Variants in LRRTM3 observed in about 807,000 individuals in gnomAD.
LRRTM3 encodes leucine rich repeat transmembrane neuronal 3.
LRRTM3 carries 24 observed loss-of-function variants against 44.7 expected under a neutral mutation model. That is an observed-to-expected ratio of 0.54 (90% CI 0.39 to 0.76). The LOEUF is 0.76. LRRTM3 is among the 30% of genes least tolerant of loss of function. The pLI is 0.00. For synonymous variants in LRRTM3, 277 were observed against 278.7 expected (o/e 0.99, Z 0.06); for missense variants, 587 against 702.2 (o/e 0.84, Z 1.85).
At chr10:66,931,487 A>G (rs1847388924) in intron 2 of LRRTM3, among the ~76,000 whole-genome samples, 1 of 152,132 alleles carries the variant, frequency 6.6e-6, no homozygotes, top group Non-Finnish European at 1.5e-5. Context: ...TTTTTACTTG[A>G]TTTGGTGAGT....
intron 2 of LRRTM3, among the ~76,000 whole-genome samples, chr10:66,955,983 G>T (rs1439434393): frequency 1.3e-5 from 2 of 152,054 alleles, no homozygotes; most frequent in African/African-American, 4.8e-5. Flanking sequence ...GCCAGAAAGG[G>T]GTGCTCAAAT....
chr10:67,093,452 G>T (rs1376492962), intron 2 of LRRTM3, among the ~76,000 whole-genome samples: 1 of 151,662 alleles, frequency 6.6e-6, no homozygotes, highest in Non-Finnish European at 1.5e-5. Context: ...AATAGAGAGA[G>T]GTTACTGTGA....
chr10:67,009,856 G>C (rs984556912), intron 2 of LRRTM3, among the ~76,000 whole-genome samples: 16 of 152,210 alleles, frequency 1.1e-4, no homozygotes, highest in Admixed American at 1.0e-3. Flanking sequence ...TTGCATCAGA[G>C]ACTTTCTATG....
At chr10:67,008,933 A>G (rs1852167383) in intron 2 of LRRTM3, among the ~76,000 whole-genome samples, 1 of 152,014 alleles carries the variant, frequency 6.6e-6, no homozygotes, top group African/African-American at 2.4e-5. Context: ...TGTGCATTTG[A>G]ATTTATATTT....
At chr10:66,994,290 G>T (rs550664280) in intron 2 of LRRTM3, among the ~76,000 whole-genome samples, 2 of 152,292 alleles carry the variant, frequency 1.3e-5, no homozygotes, top group Non-Finnish European at 2.9e-5. Context: ...GACATTTAAC[G>T]TAGTTAAAAA....
At chr10:67,076,661 T>C (rs1377916627) in intron 2 of LRRTM3, among the ~76,000 whole-genome samples, 1 of 152,122 alleles carries the variant, frequency 6.6e-6, no homozygotes, top group African/African-American at 2.4e-5. Flanking sequence ...GGCATGAAAA[T>C]AATATTGGAT....
At chr10:67,025,055 A>G (rs1028084301) in intron 2 of LRRTM3, among the ~76,000 whole-genome samples, 1 of 149,986 alleles carries the variant, frequency 6.7e-6, no homozygotes, top group Non-Finnish European at 1.5e-5. Context: ...ACTTGAACCC[A>G]GGAGCGGAGG....
chr10:67,043,242 C>T (rs1444419348), intron 2 of LRRTM3, among the ~76,000 whole-genome samples: 1 of 151,454 alleles, frequency 6.6e-6, no homozygotes, highest in Non-Finnish European at 1.5e-5. Flanking sequence ...ATGGCAACAT[C>T]CCACAGATGA....
At chr10:67,093,675 C>A (rs147359330) in intron 2 of LRRTM3, among the ~76,000 whole-genome samples, 4 of 151,798 alleles carry the variant, frequency 2.6e-5, no homozygotes, top group Non-Finnish European at 4.4e-5. Context: ...AAACTCCCCC[C>A]CAACAAAAGA....
At chr10:67,089,242 T>C (rs1272707081) in intron 2 of LRRTM3, among the ~76,000 whole-genome samples, 1 of 152,022 alleles carries the variant, frequency 6.6e-6, no homozygotes. Flanking sequence ...CTTAAGAAAA[T>C]ATAAAAATTA....
intron 2 of LRRTM3, among the ~76,000 whole-genome samples, chr10:66,995,149 T>C (rs1925609): frequency 0.51 from 77,170 of 151,982 alleles, 20,451 homozygotes; most frequent in East Asian, 0.78. Flanking sequence ...ATAATGCACA[T>C]TCCATAATCT....
intron 2 of LRRTM3, among the ~76,000 whole-genome samples, chr10:67,006,075 T>C (rs890521947): frequency 6.6e-6 from 1 of 152,140 alleles, no homozygotes; most frequent in African/African-American, 2.4e-5. Flanking sequence ...TACCACCTGT[T>C]GAACAGTACA....
At chr10:67,021,243 A>C (rs1852991437) in intron 2 of LRRTM3, among the ~76,000 whole-genome samples, 1 of 152,228 alleles carries the variant, frequency 6.6e-6, no homozygotes. Flanking sequence ...TTTGTCAATT[A>C]TTAAGCAAAG....
chr10:67,045,065 C>A (rs189965908), intron 2 of LRRTM3, among the ~76,000 whole-genome samples: 200 of 152,148 alleles, frequency 1.3e-3, no homozygotes, highest in African/African-American at 4.6e-3. Context: ...TTATAGATGC[C>A]AAATATGAAA....
intron 2 of LRRTM3, among the ~76,000 whole-genome samples, chr10:67,053,132 T>C (rs1855213658): frequency 6.6e-6 from 1 of 152,242 alleles, no homozygotes; most frequent in Non-Finnish European, 1.5e-5. Flanking sequence ...AATTACTTTA[T>C]CATAGTATTC....
intron 2 of LRRTM3, among the ~76,000 whole-genome samples, chr10:67,066,654 T>C (rs555183405): frequency 2.6e-5 from 4 of 151,802 alleles, no homozygotes; most frequent in African/African-American, 9.7e-5. Context: ...TAAAAAATCC[T>C]AATGTGACTT....
intron 2 of LRRTM3, among the ~76,000 whole-genome samples, chr10:67,074,508 G>A (rs969102571): frequency 1.1e-4 from 16 of 151,456 alleles, no homozygotes; most frequent in Non-Finnish European, 1.5e-5. Flanking sequence ...CCACCACCAC[G>A]CCCGGCTAAT....
intron 2 of LRRTM3, among the ~76,000 whole-genome samples, chr10:66,938,449 T>C (rs1214292448): frequency 6.6e-6 from 1 of 152,102 alleles, no homozygotes; most frequent in Non-Finnish European, 1.5e-5. Flanking sequence ...AAAATGAAAA[T>C]ATTATTAAGA....
At chr10:67,095,973 C>T (rs931066474) in intron 2 of LRRTM3, among the ~76,000 whole-genome samples, 2 of 151,704 alleles carry the variant, frequency 1.3e-5, no homozygotes, top group African/African-American at 2.4e-5. Context: ...ATTTTCTTTA[C>T]GATCTTTCAG....
Sources: gnomAD v4.1 joint callset for allele counts (sites outside exome capture counted in the v4.1 genomes callset) on GRCh38, gnomAD v4.1.1 for gene constraint, MANE v1.5 for transcripts, NCBI Gene and HGNC (gene_info 2026-07-23, HGNC 2026-07-21) for gene names.